ENAH: variants seen among roughly 807,000 people sequenced by gnomAD.
ENAH encodes protein enabled homolog.
A neutral mutation model predicts 78.7 loss-of-function variants in ENAH; 23 were observed. The ratio of observed to expected loss-of-function variants is 0.29; its 90% CI spans 0.21 to 0.41. ENAH has a LOEUF of 0.41. ENAH is among the 10% of genes least tolerant of loss of function. ENAH has a pLI of 1.00. For synonymous variants in ENAH, 226 were observed against 241.0 expected, an observed-to-expected ratio of 0.94 and a Z score of 0.58; for missense variants, 544 against 691.0, an observed-to-expected ratio of 0.79 and a Z score of 2.39.
chr1:225,602,801 A>C (rs1017530285), intron 1 of ENAH, among the ~76,000 whole-genome samples: 14 of 152,124 alleles, frequency 9.2e-5, no homozygotes, highest in African/African-American at 2.7e-4. Context: ...TGATGACATC[A>C]TCATCTATCT....
At chr1:225,616,534 T>C (rs1655728787) in intron 1 of ENAH, among the ~76,000 whole-genome samples, 2 of 152,044 alleles carry the variant, frequency 1.3e-5, no homozygotes, top group African/African-American at 4.8e-5. Flanking sequence ...TGATGTATGG[T>C]TGAAATGCGG....
intron 1 of ENAH, among the ~76,000 whole-genome samples, chr1:225,601,778 TA>T (rs139782448): frequency 1.4e-3 from 210 of 151,112 alleles, no homozygotes; most frequent in African/African-American, 4.7e-3. Context: ...ATTTGGAAAC[TA>T]AAAAAAATAT....
rs897095969 is a variant in ENAH at position 225,492,334 on chromosome 1, G to A, written c.*5441C>T. 2 of 151,904 alleles carry A rather than the reference G, an allele frequency of 1.3e-5. No individual in the cohort carries two copies. Among genetic ancestry groups the A allele is most frequent in the South Asian group, 2.1e-4 (1 of 4,828 alleles). 9.4% of individuals were successfully genotyped at this position (151,904 alleles called of 1,614,324 possible). ...ACTTCTGGCCTCAAGCAATCCTCCC[G>A]CCTCTGACCAGTTTACCGAGCTATT... On this transcript the variant is annotated 3_prime_UTR_variant, in exon 14 of 14. Coordinates refer to ENST00000366843, the MANE Select transcript of ENAH (RefSeq NM_018212.6).
chr1:225,546,426 G>A (rs1575478775), intron 3 of ENAH, among the ~76,000 whole-genome samples: 1 of 152,142 alleles, frequency 6.6e-6, no homozygotes, highest in Non-Finnish European at 1.5e-5. Context: ...GTAAATGGGG[G>A]ATCACAAAAC....
intron 4 of ENAH, 49 bp downstream of exon 4, chr1:225,530,505 G>T: frequency 6.9e-7 from 1 of 1,440,956 alleles, no homozygotes. Flanking sequence ...GTTCAGTTTT[G>T]TCTTCTGAAG....
At position 225,635,175 on chromosome 1, in the gene ENAH, G is replaced by A. The variant is rs151081296; in HGVS notation, c.5+17511C>T. 4.4e-3 allele frequency among the ~76,000 whole-genome samples: 676 copies of A among 152,178 alleles called. 9 individuals carry two copies. Among genetic ancestry groups the A allele is most frequent in the African/African-American group, 0.015 (630 of 41,528 alleles). ...TCCTTGGTTAAATTTATTCCTAGGT[G>A]TTTATTTCTTTAGATGCTACTGTAA... is the stretch of plus-strand genomic sequence containing the variant. On this transcript the variant is annotated intron_variant, in intron 1 of 13. Transcript: ENST00000366843.
At position 225,491,418 on chromosome 1, in the gene ENAH, CA is replaced by C. The variant is rs2096221283; in HGVS notation, c.*6356del. ...TCAGCCTCCCAAAGTGCTGGGATTA[CA>C]GGCGTGAGCCACCATGCCCGGCCAT... On this transcript the variant is annotated 3_prime_UTR_variant, in exon 14 of 14. Coordinates refer to ENST00000366843, the MANE Select transcript of ENAH (RefSeq NM_018212.6). 6.6e-6 allele frequency: 1 copy of C among 151,448 alleles called. No individual in the cohort carries two copies. Among genetic ancestry groups the C allele is most frequent in the Admixed American group, 6.6e-5 (1 of 15,186 alleles). The allele number at this position is 151,448 out of a possible 1,614,324, so 9.4% of individuals were successfully genotyped here.
At chr1:225,604,139 C>T (rs1425042087) in intron 1 of ENAH, among the ~76,000 whole-genome samples, 1 of 152,168 alleles carries the variant, frequency 6.6e-6, no homozygotes, top group African/African-American at 2.4e-5. Context: ...TGTCATTCTA[C>T]TAATTAAACT....
At chr1:225,531,892 TTTAGA>T (rs1295538960) in intron 3 of ENAH, among the ~76,000 whole-genome samples, 1 of 152,030 alleles carries the variant, frequency 6.6e-6, no homozygotes, top group African/African-American at 2.4e-5. Flanking sequence ...TACAAATGTT[TTTAGA>T]TTAATCACTT....
chr1:225,567,488 AC>A (rs35871570), intron 1 of ENAH, 74 bp from the exon 2 acceptor site: 1 of 1,428,446 alleles, frequency 7.0e-7, no homozygotes, highest in Non-Finnish European at 9.4e-7. Context: ...AGCCACACAA[AC>A]CTAGGAGTCA....
At chr1:225,605,334 A>C (rs1451284432) in intron 1 of ENAH, among the ~76,000 whole-genome samples, 4 of 152,196 alleles carry the variant, frequency 2.6e-5, no homozygotes, top group Non-Finnish European at 5.9e-5. Context: ...AATATTTAGA[A>C]GTCAACTCGA....
At chr1:225,530,436 G>A in intron 4 of ENAH, 118 bp downstream of exon 4, 2 of 741,654 alleles carry the variant, frequency 2.7e-6, no homozygotes, top group Non-Finnish European at 4.6e-6. Flanking sequence ...ACTAATGTAA[G>A]AATAAAAGTT....
At chr1:225,566,049 G>A (rs988846940) in intron 2 of ENAH, among the ~76,000 whole-genome samples, 3 of 151,976 alleles carry the variant, frequency 2.0e-5, no homozygotes, top group Non-Finnish European at 2.9e-5. Context: ...TTTTTACCAC[G>A]TGCCCCAACA....
chr1:225,524,619 T>C (rs958171899), intron 4 of ENAH: 1 of 985,468 alleles, frequency 1.0e-6, no homozygotes, highest in Non-Finnish European at 1.2e-6. Flanking sequence ...GGTCAACTTT[T>C]GGTCCATCCG....
At chr1:225,515,496 A>G (rs954351158) in intron 6 of ENAH, 3 of 152,272 alleles carry the variant, frequency 2.0e-5, no homozygotes, top group African/African-American at 7.2e-5. Flanking sequence ...TACTAGTACA[A>G]AGTAAAACCT....
chr1:225,556,046 T>C (rs576578166), intron 2 of ENAH, among the ~76,000 whole-genome samples: 94 of 152,314 alleles, frequency 6.2e-4, no homozygotes, highest in African/African-American at 2.1e-3. Context: ...CATGCAGCTG[T>C]GGTTTGTTCA....
chr1:225,517,155 T>C, intron 6 of ENAH, 41 bp downstream of exon 6: 1 of 1,455,994 alleles, frequency 6.9e-7, no homozygotes, highest in South Asian at 1.4e-5. Flanking sequence ...ATATAACATT[T>C]TCAAGTGATT....
intron 1 of ENAH, among the ~76,000 whole-genome samples, chr1:225,591,844 CAG>C (rs1324207686): frequency 1.3e-5 from 2 of 149,830 alleles, no homozygotes; most frequent in Non-Finnish European, 2.9e-5. Flanking sequence ...TTATTCAGGG[CAG>C]AGTGTTGGTC....
chr1:225,538,778 T>C (rs2096574941), intron 3 of ENAH, among the ~76,000 whole-genome samples: 1 of 152,216 alleles, frequency 6.6e-6, no homozygotes, highest in African/African-American at 2.4e-5. Context: ...TCCACCATGT[T>C]TTGTAAGCCG....
Sources: allele counts gnomAD v4.1 joint callset (sites outside exome capture counted in the v4.1 genomes callset), GRCh38; gene constraint gnomAD v4.1.1; transcripts MANE v1.5; gene names NCBI Gene and HGNC (gene_info 2026-07-23, HGNC 2026-07-21).